Variants in STXBP2 observed in about 807,000 individuals in gnomAD.
STXBP2 encodes syntaxin binding protein 2.
Under a neutral mutation model 72.2 loss-of-function variants are expected in STXBP2, and 47 were observed. That is an observed-to-expected ratio of 0.65 (90% CI 0.51 to 0.83). STXBP2 has a LOEUF of 0.83. Ranked by LOEUF, STXBP2 falls within the 40% of genes least tolerant of loss-of-function variation. STXBP2 has a pLI of 0.00. For synonymous variants in STXBP2, 367 were observed against 338.7 expected (o/e 1.08, Z -0.92); for missense variants, 702 against 807.6 (o/e 0.87, Z 1.58).
Position 7,643,050 on chromosome 19 carries a change from T to C in STXBP2, c.1026+2T>C. On this transcript the variant is annotated splice_donor_variant, in intron 12 of 18. Transcript: ENST00000221283. LOFTEE classifies it high-confidence loss of function. ...CAGTACCAGAAGGAGCTGAATAAGG[T>C]GTGCTCGGGTGGGCAGGGAGCGGGG... The C allele has an allele frequency of 6.2e-7, 1 of 1,614,140 alleles. No individual in the cohort carries two copies. The highest frequency in any genetic ancestry group is 8.5e-7 in the Non-Finnish European group (1 of 1,180,016).
At chr19:7,632,348 A>C (rs115291553), upstream of STXBP2, 2,470 of 1,610,108 alleles carry the variant, frequency 1.5e-3, 30 homozygotes, top group African/African-American at 0.028. The surrounding 1 kb of genome is among the most constrained non-coding windows in gnomAD (Gnocchi z 5.2). Context: ...ATCGGAGAGC[A>C]CTGCCTGGCG....
chr19:7,637,295 GC>G, intron 1 of STXBP2, 109 bp downstream of exon 1: 1 of 1,126,672 alleles, frequency 8.9e-7, no homozygotes, highest in Non-Finnish European at 1.1e-6. Flanking sequence ...TGGGGGCCGG[GC>G]TGGGCGTCCG....
chr19:7,640,206 AT>A, intron 4 of STXBP2: 1 of 463,906 alleles, frequency 2.2e-6, no homozygotes. Context: ...ATGCGTGTGT[AT>A]GTATGTGTCT....
Position 7,645,253 on chromosome 19 carries a change from AG to A in STXBP2, c.1304del (p.Ser435ThrfsTer48), listed in dbSNP as rs768184142. ...LIQHANVQAHSSLIRNLEQLG... is the reference protein window; with the variant it reads ...LIQHANVQAHXSLIRNLEQLG... ...CCAGCATGCCAATGTACAGGCGCAC[AG>A]CAGCCTCATCCGTAACCTGGAGCAG... On this transcript the variant is annotated frameshift_variant, in exon 15 of 19. Transcript: ENST00000221283. LOFTEE classifies it high-confidence loss of function. 6.3e-7 allele frequency: 1 copy of A among 1,584,962 alleles called. No homozygotes were observed. Among genetic ancestry groups the A allele is most frequent in the Non-Finnish European group, 8.6e-7 (1 of 1,164,646 alleles).
At chr19:7,634,235 C>T (rs997804735), upstream of STXBP2, among the ~76,000 whole-genome samples, 7 of 152,336 alleles carry the variant, frequency 4.6e-5, no homozygotes, top group South Asian at 1.0e-3. Context: ...CCTTTTCCCC[C>T]GAGCCACTGT....
chr19:7,641,740 C>A lies in STXBP2; in HGVS notation c.465C>A (p.Asn155Lys). The part of the protein sequence containing the change: ...FSLDAPHSTY[N>K]LYCPFRAEER... ...TCGATGCTCCCCACAGCACCTACAA[C>A]CTCTACTGCCCCTTCCGGGCAGAGG... The change falls in exon 7 of 19, where the codon AAC becomes AAA. Residue 155 changes from asparagine to lysine, a missense_variant. Transcript: ENST00000221283. 6.4e-7 allele frequency: 1 copy of A among 1,553,552 alleles called. No homozygotes were observed. Among genetic ancestry groups the A allele is most frequent in the Non-Finnish European group, 8.7e-7 (1 of 1,148,700 alleles).
At chr19:7,647,646 C>T (rs1455119682) in intron 18 of STXBP2, 79 bp from the exon 19 acceptor site, 2 of 1,601,088 alleles carry the variant, frequency 1.2e-6, no homozygotes. Context: ...GACAGCCCCA[C>T]ACCAGCCGGG....
intron 1 of STXBP2, 152 bp downstream of exon 1, chr19:7,637,338 C>G (rs940458570): frequency 6.6e-5 from 13 of 197,642 alleles, no homozygotes; most frequent in East Asian, 3.5e-4. Context: ...CGGGCGGGGA[C>G]GGGTTCCCAG....
rs2031682692 is a variant in STXBP2, at chr19:7,639,024, TATC to T, written c.96_98del (p.Ile32del). 1 of 1,614,084 alleles carries T rather than the reference TATC, an allele frequency of 6.2e-7. No homozygotes were observed. ...CTGTCCATCCATCTGGACAGGTGCT[TATC>T]ATGGATCACCCAAGCATGCGCATCT... On this transcript the variant is annotated inframe_deletion, in exon 3 of 19. Transcript: ENST00000221283.
upstream of STXBP2, chr19:7,633,011 C>T (rs2031395202): frequency 7.0e-7 from 1 of 1,432,232 alleles, no homozygotes; most frequent in Non-Finnish European, 9.1e-7. Flanking sequence ...AGTCTCCTTC[C>T]CAATCCCGGC....
upstream of STXBP2, chr19:7,632,544 G>A: frequency 6.2e-7 from 1 of 1,609,976 alleles, no homozygotes; most frequent in Non-Finnish European, 8.5e-7. This position sits in a 1 kb window ranked among gnomAD's most constrained non-coding sequence, Gnocchi z 5.2. Context: ...AGACTTGGGA[G>A]GACACAGCCG....
chr19:7,639,655 C>G (rs2031706469), intron 3 of STXBP2, 76 bp from the exon 4 acceptor site: 3 of 1,394,732 alleles, frequency 2.2e-6, no homozygotes, highest in Admixed American at 1.9e-5. Flanking sequence ...AAGCCTCCAA[C>G]CCCCCACACC....
the STXBP2 span, chr19:7,630,255 C>CG: frequency 2.2e-6 from 1 of 458,324 alleles, no homozygotes; most frequent in African/African-American, 2.0e-5. Flanking sequence ...TGGGGGTGCT[C>CG]CCGGGATCTT....
chr19:7,632,114 C>A, upstream of STXBP2: 2 of 571,918 alleles, frequency 3.5e-6, no homozygotes, highest in Non-Finnish European at 6.1e-6. The surrounding 1 kb of genome is among the most constrained non-coding windows in gnomAD (Gnocchi z 5.2). Flanking sequence ...GGATACTTTC[C>A]TAGGAAGGGG....
upstream of STXBP2, among the ~76,000 whole-genome samples, chr19:7,634,976 C>A (rs2031470375): frequency 6.6e-6 from 1 of 152,232 alleles, no homozygotes; most frequent in Non-Finnish European, 1.5e-5. Context: ...TACAAGGACA[C>A]CAGTGATATT....
intron 14 of STXBP2, 106 bp from the exon 15 acceptor site, chr19:7,645,091 G>A: frequency 6.8e-7 from 1 of 1,473,006 alleles, no homozygotes; most frequent in Non-Finnish European, 9.3e-7. Flanking sequence ...CCCACTGCAA[G>A]GTTCTCTCAT....
At position 7,639,847 on chromosome 19, in the gene STXBP2, C is replaced by CGTGTACATGTGCATGT. The variant is rs1334943730; in HGVS notation, c.246+45_246+60dup. ...GAGCGTGTGTGTATGCGCGTGCATG[C>CGTGTACATGTGCATGT]GTGTACATGTGCATGTGTGTGTATG... On this transcript the variant is annotated intron_variant, in intron 4 of 18. Coordinates refer to ENST00000221283, the MANE Select transcript of STXBP2 (RefSeq NM_006949.4). 7 of 1,589,982 alleles carry CGTGTACATGTGCATGT rather than the reference C, an allele frequency of 4.4e-6. No individual in the cohort carries two copies. In the African/African-American group the frequency reaches 7.0e-5, roughly 16 times the overall value.
chr19:7,633,558 T>A, upstream of STXBP2: 1 of 1,087,858 alleles, frequency 9.2e-7, no homozygotes, highest in South Asian at 1.4e-5. Context: ...ATTCCCCCCA[T>A]CCCCAAATCC....
At chr19:7,637,062 G>C (rs912804618), upstream of STXBP2, 70 of 1,216,798 alleles carry the variant, frequency 5.8e-5, no homozygotes, top group Non-Finnish European at 6.9e-5. Context: ...GACAGGGCCC[G>C]CGGGGCGGGG....
Sources: allele counts gnomAD v4.1 joint callset (sites outside exome capture counted in the v4.1 genomes callset), GRCh38; gene constraint gnomAD v4.1.1; non-coding constraint Gnocchi (gnomAD v3.1); transcripts MANE v1.5; gene names NCBI Gene and HGNC (gene_info 2026-07-23, HGNC 2026-07-21).